The following CACNA1C variants were observed in gnomAD, a reference collection of about 807,000 sequenced individuals.
The protein encoded by CACNA1C is calcium voltage-gated channel subunit alpha1 C, also known as voltage-dependent L-type calcium channel subunit alpha-1C.
CACNA1C carries 30 observed loss-of-function variants against 229.0 expected under a neutral mutation model. The observed-to-expected ratio is 0.13, with a 90% CI of 0.10 to 0.18. The LOEUF (loss-of-function observed/expected upper bound fraction) is 0.18, where lower values mean the gene tolerates loss of function less well. CACNA1C is among the 10% of genes least tolerant of loss of function. CACNA1C has a pLI of 1.00. For missense variants in CACNA1C, 1,658 were observed against 2,845.0 expected, an observed-to-expected ratio of 0.58 and a Z score of 9.49; for synonymous variants, 1,114 against 1,132.5, an observed-to-expected ratio of 0.98 and a Z score of 0.33.
intron 30 of CACNA1C, among the ~76,000 whole-genome samples, chr12:2,637,626 T>G (rs1001585239): frequency 6.6e-6 from 1 of 152,234 alleles, no homozygotes; most frequent in African/African-American, 2.4e-5. Context: ...GGTCGCTCCC[T>G]CCCACTAGAT....
intron 1 of CACNA1C, among the ~76,000 whole-genome samples, chr12:2,064,009 A>G (rs994994001): frequency 2.6e-5 from 4 of 152,204 alleles, no homozygotes; most frequent in Admixed American, 2.0e-4. Context: ...CAGCATTAGG[A>G]AATCCTATTG....
chr12:1,989,589 C>A (rs2038818847), intron 1 of CACNA1C, among the ~76,000 whole-genome samples: 1 of 152,110 alleles, frequency 6.6e-6, no homozygotes, highest in African/African-American at 2.4e-5. Flanking sequence ...TGCCATACAC[C>A]TATAATCCCA....
chr12:2,536,477 C>T (rs2154586873), intron 9 of CACNA1C, among the ~76,000 whole-genome samples: 2 of 152,234 alleles, frequency 1.3e-5, no homozygotes, highest in Admixed American at 1.3e-4. Context: ...CACTATCTGC[C>T]TCTGCGACTC....
chr12:2,141,073 G>A (rs897595303), intron 3 of CACNA1C, among the ~76,000 whole-genome samples: 2 of 151,064 alleles, frequency 1.3e-5, no homozygotes, highest in Admixed American at 6.7e-5. Flanking sequence ...GGAGGAGGCT[G>A]CGGGCAGGGG....
At chr12:2,311,098 C>T in intron 3 of CACNA1C, among the ~76,000 whole-genome samples, 1 of 152,232 alleles carries the variant, frequency 6.6e-6, no homozygotes, top group South Asian at 2.1e-4. Context: ...GGGCATCACC[C>T]TTCCTCTGGA....
chr12:2,111,596 A>G (rs982252498), intron 1 of CACNA1C, among the ~76,000 whole-genome samples: 4 of 151,852 alleles, frequency 2.6e-5, no homozygotes, highest in Non-Finnish European at 5.9e-5. Flanking sequence ...AGGGCTTACC[A>G]TGAGTGAATT....
At chr12:2,629,465 G>T (rs539424543) in intron 29 of CACNA1C, among the ~76,000 whole-genome samples, 1 of 152,178 alleles carries the variant, frequency 6.6e-6, no homozygotes, top group Non-Finnish European at 1.5e-5. Context: ...GGACACATGT[G>T]CCTTGTGGAT....
In CACNA1C at chr12:2,403,569, G is replaced by A. The variant is rs1231891280; in HGVS notation, c.478-45407G>A. Among the ~76,000 whole-genome samples the A allele has an allele frequency of 1.3e-5, 2 of 152,062 alleles. No individual in the cohort carries two copies. Among genetic ancestry groups the A allele is most frequent in the South Asian group, 2.1e-4 (1 of 4,820 alleles). On this transcript the variant is annotated intron_variant, in intron 3 of 46. Transcript: ENST00000399655. This position sits in a 1 kb window ranked among gnomAD's most constrained non-coding sequence, Gnocchi z 4.1. ...TCTTTAATTAAACTTTTTTGATTAA[G>A]TGACAGCTTTTACCACTCCTGGCAG...
At chr12:2,097,302 C>CCAT (rs1276090636) in intron 1 of CACNA1C, among the ~76,000 whole-genome samples, 1 of 152,002 alleles carries the variant, frequency 6.6e-6, no homozygotes, top group Non-Finnish European at 1.5e-5. Context: ...CCTGCCACCA[C>CCAT]GCCCAGCTAA....
chr12:2,395,250 G>A (rs2098550478), intron 3 of CACNA1C, among the ~76,000 whole-genome samples: 1 of 132,768 alleles, frequency 7.5e-6, no homozygotes, highest in South Asian at 2.4e-4. Flanking sequence ...ACAGAGTCTT[G>A]CTTTGTTGCC....
chr12:2,493,477 T>A lies in CACNA1C; in HGVS notation c.1113+91T>A. On this transcript the variant is annotated intron_variant, in intron 7 of 46. Coordinates refer to ENST00000399655, the MANE Select transcript of CACNA1C (RefSeq NM_000719.7). The surrounding 1 kb of genome is among the most constrained non-coding windows in gnomAD (Gnocchi z 4.6). Reference sequence around the variant, plus strand: ...TCCCTTTCTCCTCCTCCCCATGGTCTTGGGGTCACATACGCATCTTGATGG... The same window carrying A: ...TCCCTTTCTCCTCCTCCCCATGGTCATGGGGTCACATACGCATCTTGATGG... 4.2e-6 allele frequency: 4 copies of A among 949,624 alleles called. No individual in the cohort carries two copies. The highest frequency in any genetic ancestry group is 6.7e-6 in the Non-Finnish European group (4 of 593,858). The allele number at this position is 949,624 out of a possible 1,614,324, so 58.8% of individuals were successfully genotyped here.
In CACNA1C at chr12:2,595,370, C is replaced by T. The variant is rs1308837257; in HGVS notation, c.2664-504C>T. ...GAACCTAGCATTTTTGGTGCTATCA[C>T]TGAGTGCCTAGAAGCTCAGTTGGGT... On this transcript the variant is annotated intron_variant, in intron 19 of 46. Transcript: ENST00000399655. This position sits in a 1 kb window ranked among gnomAD's most constrained non-coding sequence, Gnocchi z 4.1. 6.6e-6 allele frequency among the ~76,000 whole-genome samples: 1 copy of T among 152,140 alleles called. No individual in the cohort carries two copies. The highest frequency in any genetic ancestry group is 1.5e-5 in the Non-Finnish European group (1 of 68,034).
At position 2,585,967 on chromosome 12, in the gene CACNA1C, C is replaced by A. The variant is rs536583548; in HGVS notation, c.2530+63C>A. The A allele has an allele frequency of 1.9e-6, 2 of 1,057,200 alleles. No homozygotes were observed. Among genetic ancestry groups the A allele is most frequent in the Non-Finnish European group, 2.8e-6 (2 of 724,182 alleles). 65.5% of individuals were successfully genotyped at this position (1,057,200 alleles called of 1,614,324 possible). ...GGGGGCAGAGATCTAAATTCTAAAG[C>A]CACGTGGGAGTGGCCATATATTAGG... is the stretch of plus-strand genomic sequence containing the variant. On this transcript the variant is annotated intron_variant, in intron 18 of 46. Transcript: ENST00000399655. This position sits in a 1 kb window ranked among gnomAD's most constrained non-coding sequence, Gnocchi z 4.1.
At chr12:2,231,100 C>T (rs1470930675) in intron 3 of CACNA1C, among the ~76,000 whole-genome samples, 2 of 152,180 alleles carry the variant, frequency 1.3e-5, no homozygotes, top group East Asian at 1.9e-4. Context: ...TTCCCATATC[C>T]ATGTGAGCAC....
intron 3 of CACNA1C, among the ~76,000 whole-genome samples, chr12:2,203,291 T>C (rs969773180): frequency 6.6e-6 from 1 of 152,212 alleles, no homozygotes; most frequent in African/African-American, 2.4e-5. Context: ...GTTATGGACA[T>C]TGGACTTTTC....
intron 3 of CACNA1C, among the ~76,000 whole-genome samples, chr12:2,171,809 A>C (rs1215481846): frequency 6.6e-6 from 1 of 152,218 alleles, no homozygotes; most frequent in African/African-American, 2.4e-5. Context: ...CGACTATCTC[A>C]GATAGCAGAG....
intron 3 of CACNA1C, among the ~76,000 whole-genome samples, chr12:2,256,096 GT>G (rs386759523): frequency 0.014 from 2 of 138 alleles, no homozygotes; most frequent in South Asian, 0.1. Flanking sequence ...CACACCTCCT[GT>G]TTCTTGCCAC....
rs187100782 is a variant in CACNA1C at position 2,037,782 on chromosome 12, C to T, written c.139+66581C>T. Among the ~76,000 whole-genome samples, 12 of 152,340 alleles carry T rather than the reference C, an allele frequency of 7.9e-5. No individual in the cohort carries two copies. The East Asian group carries it at 1.9e-3, about 24-fold the overall frequency. On this transcript the variant is annotated intron_variant, in intron 1 of 46. Transcript: ENST00000682462. Reference sequence around the variant, plus strand: ...GTCTGGGGTAGAGCAGCATCAGCCTCACCTGGAAGCTTATAAGAAATCCAG... The same window carrying T: ...GTCTGGGGTAGAGCAGCATCAGCCTTACCTGGAAGCTTATAAGAAATCCAG...
chr12:2,019,556 AGGAAGGAAG>A (rs1339406078), intron 1 of CACNA1C, among the ~76,000 whole-genome samples: 3 of 146,114 alleles, frequency 2.1e-5, no homozygotes, highest in African/African-American at 5.2e-5. Context: ...GAAAGAAGGA[AGGAAGGAAG>A]GAAAGAAAAG....
Sources: gnomAD v4.1 joint callset for allele counts (sites outside exome capture counted in the v4.1 genomes callset) on GRCh38, gnomAD v4.1.1 for gene constraint, Gnocchi (gnomAD v3.1) non-coding constraint, MANE v1.5 for transcripts, NCBI Gene and HGNC (gene_info 2026-07-23, HGNC 2026-07-21) for gene names.